Variants in MRPL1 observed in about 807,000 individuals in gnomAD.
MRPL1 encodes the protein mitochondrial ribosomal protein L1, also known as large ribosomal subunit protein uL1m.
A neutral mutation model predicts 38.0 loss-of-function variants in MRPL1; 28 were observed. The observed-to-expected ratio is 0.74, with a 90% CI of 0.55 to 1.01. The LOEUF (loss-of-function observed/expected upper bound fraction) is 1.01. MRPL1 is among the 50% of genes least tolerant of loss of function. The probability of loss-of-function intolerance (pLI) is 0.00; values close to 1 mark genes in which losing one functional copy is unlikely to be tolerated. For missense variants in MRPL1, 358 were observed against 389.8 expected (o/e 0.92, Z 0.69); for synonymous variants, 123 against 126.7 (o/e 0.97, Z 0.20).
At chr4:77,929,379 G>A (rs1285880527) in intron 7 of MRPL1, among the ~76,000 whole-genome samples, 1 of 152,122 alleles carries the variant, frequency 6.6e-6, no homozygotes, top group African/African-American at 2.4e-5. Context: ...GGATCTGAAA[G>A]ATAATTCCTT....
chr4:77,911,430 A>G (rs925917298), intron 7 of MRPL1, among the ~76,000 whole-genome samples: 3 of 114,208 alleles, frequency 2.6e-5, no homozygotes, highest in Admixed American at 8.0e-5. Flanking sequence ...CAGAGGAGAT[A>G]TAATTTCTTA....
intron 7 of MRPL1, among the ~76,000 whole-genome samples, chr4:77,916,655 A>G (rs543969847): frequency 6.6e-6 from 1 of 152,300 alleles, no homozygotes; most frequent in African/African-American, 2.4e-5. Context: ...TCAAAGATGC[A>G]AAGAGATCTG....
chr4:77,924,386 GC>G (rs1322777195), intron 7 of MRPL1, among the ~76,000 whole-genome samples: 1 of 152,090 alleles, frequency 6.6e-6, no homozygotes, highest in African/African-American at 2.4e-5. Context: ...TTGTCCAAGA[GC>G]TTATTTTTGG....
intron 7 of MRPL1, among the ~76,000 whole-genome samples, chr4:77,911,468 GT>G (rs913296614): frequency 2.0e-5 from 3 of 151,316 alleles, no homozygotes; most frequent in Non-Finnish European, 3.0e-5. Context: ...TGTTTAAAGA[GT>G]TTTTTTTTGA....
At chr4:77,936,735 A>G (rs1255639726) in intron 7 of MRPL1, among the ~76,000 whole-genome samples, 1 of 152,210 alleles carries the variant, frequency 6.6e-6, no homozygotes, top group Non-Finnish European at 1.5e-5. Context: ...CTAATATCTC[A>G]TTATTATAAA....
chr4:77,928,208 A>G (rs878896028), intron 7 of MRPL1, among the ~76,000 whole-genome samples: 19 of 152,356 alleles, frequency 1.2e-4, no homozygotes, highest in Admixed American at 5.2e-4. Flanking sequence ...CAATAGTAAA[A>G]TCTTATGTTG....
intron 2 of MRPL1, among the ~76,000 whole-genome samples, chr4:77,882,491 C>T (rs1735568398): frequency 6.6e-6 from 1 of 152,128 alleles, no homozygotes; most frequent in Non-Finnish European, 1.5e-5. Flanking sequence ...GTTCCCCTAA[C>T]CTCCTCTTCT....
intron 7 of MRPL1, among the ~76,000 whole-genome samples, chr4:77,919,285 G>T (rs897054895): frequency 2.0e-5 from 3 of 152,004 alleles, no homozygotes; most frequent in Admixed American, 2.0e-4. Context: ...AAAATACTTG[G>T]CCTTCAGCCT....
intron 7 of MRPL1, among the ~76,000 whole-genome samples, chr4:77,918,678 G>T (rs1005672160): frequency 3.3e-5 from 5 of 152,054 alleles, no homozygotes; most frequent in Admixed American, 2.0e-4. Flanking sequence ...AGAGGGGAGA[G>T]ATTTGGGGAG....
chr4:77,905,771 TG>T (rs1736144537), intron 6 of MRPL1, among the ~76,000 whole-genome samples: 1 of 152,224 alleles, frequency 6.6e-6, no homozygotes, highest in Admixed American at 6.5e-5. Context: ...CACTTTAGTA[TG>T]TTTTAATGCA....
chr4:77,951,976 G>A (rs1334459414), intron 8 of MRPL1, among the ~76,000 whole-genome samples: 1 of 152,178 alleles, frequency 6.6e-6, no homozygotes, highest in Admixed American at 6.5e-5. Flanking sequence ...ATAAAAATGG[G>A]CAAAGTATAT....
intron 7 of MRPL1, among the ~76,000 whole-genome samples, chr4:77,949,222 G>C (rs1222750647): frequency 1.3e-5 from 2 of 152,122 alleles, no homozygotes; most frequent in Non-Finnish European, 2.9e-5. Flanking sequence ...GTGTAATTTG[G>C]GTTTAGGAGT....
chr4:77,882,683 T>C (rs1314686846), intron 2 of MRPL1, among the ~76,000 whole-genome samples: 4 of 152,256 alleles, frequency 2.6e-5, no homozygotes, highest in African/African-American at 9.6e-5. Context: ...AATTGTTGAT[T>C]AATATTCCAT....
intron 1 of MRPL1, chr4:77,864,561 A>G (rs1735083204): frequency 6.6e-6 from 1 of 152,252 alleles, no homozygotes; most frequent in Admixed American, 6.5e-5. Context: ...TTCAACCCAA[A>G]GAAATTCTTT....
chr4:77,935,041 G>A (rs1219356250), intron 7 of MRPL1, among the ~76,000 whole-genome samples: 3 of 152,170 alleles, frequency 2.0e-5, no homozygotes, highest in East Asian at 3.8e-4. Context: ...GCAATGGGGA[G>A]TTATTGTTTA....
rs72869551 is a variant in MRPL1, at chr4:77,899,837, A to G, written c.670+5587A>G. ...CAGAGAAAAGTGAAAGTGGAGAAAG[A>G]GGAAAGCAGTTAAATAGCAGTAAGG... On this transcript the variant is annotated intron_variant, in intron 6 of 8. Coordinates refer to ENST00000315567, the MANE Select transcript of MRPL1 (RefSeq NM_020236.4). Among the ~76,000 whole-genome samples the G allele has an allele frequency of 6.0e-4, 91 of 152,338 alleles. 1 individual carries two copies. The highest frequency in any genetic ancestry group is 2.1e-3 in the African/African-American group (86 of 41,590).
intron 8 of MRPL1, 117 bp downstream of exon 8, chr4:77,949,995 A>G: frequency 2.0e-6 from 1 of 508,712 alleles, no homozygotes; most frequent in Non-Finnish European, 3.5e-6. Flanking sequence ...AAAATATTAA[A>G]TAAAAAATCA....
chr4:77,886,392 T>C (rs1735676833), intron 4 of MRPL1, among the ~76,000 whole-genome samples: 1 of 151,796 alleles, frequency 6.6e-6, no homozygotes, highest in African/African-American at 2.4e-5. Flanking sequence ...TGGAATGCAA[T>C]GGCGTGATCT....
At chr4:77,916,064 T>C (rs996081027) in intron 7 of MRPL1, among the ~76,000 whole-genome samples, 3 of 152,178 alleles carry the variant, frequency 2.0e-5, no homozygotes, top group African/African-American at 7.2e-5. Context: ...TTTCCCCCAA[T>C]GGCTCTTTCC....
Sources: gnomAD v4.1 joint callset for allele counts (sites outside exome capture counted in the v4.1 genomes callset) on GRCh38, gnomAD v4.1.1 for gene constraint, MANE v1.5 for transcripts, NCBI Gene and HGNC (gene_info 2026-07-23, HGNC 2026-07-21) for gene names.